Variants in SLC35F3 observed in about 807,000 individuals in gnomAD.
The protein encoded by SLC35F3 is solute carrier family 35 member F3, also known as putative thiamine transporter SLC35F3.
Under a neutral mutation model 49.9 loss-of-function variants are expected in SLC35F3, and 25 were observed. That is an observed-to-expected ratio of 0.50 (90% CI 0.37 to 0.70). The LOEUF is 0.70. Among genes scored for constraint, SLC35F3 ranks in the 30% least tolerant of loss-of-function variants. The probability of loss-of-function intolerance (pLI) is 0.00; values close to 1 mark genes in which losing one functional copy is unlikely to be tolerated. For synonymous variants in SLC35F3, 275 were observed against 265.4 expected (o/e 1.04, Z -0.35); for missense variants, 525 against 639.8 (o/e 0.82, Z 1.94).
At chr1:233,910,744 G>T (rs1459145076) in intron 2 of SLC35F3, among the ~76,000 whole-genome samples, 6 of 152,222 alleles carry the variant, frequency 3.9e-5, no homozygotes, top group African/African-American at 1.2e-4. Flanking sequence ...TGCTTAACAT[G>T]AAGTGCAATT....
At chr1:233,950,317 C>T (rs181566254) in intron 2 of SLC35F3, among the ~76,000 whole-genome samples, 210 of 128,134 alleles carry the variant, frequency 1.6e-3, no homozygotes, top group African/African-American at 5.9e-3. Context: ...ACCCATGAGG[C>T]GGAGCTTGCA....
chr1:234,084,020 G>A (rs1032148488), intron 2 of SLC35F3, among the ~76,000 whole-genome samples: 2 of 151,954 alleles, frequency 1.3e-5, no homozygotes, highest in Non-Finnish European at 2.9e-5. Context: ...TGTATTCTTA[G>A]TAGAGATGGG....
At chr1:234,182,155 G>A (rs1031843970) in intron 2 of SLC35F3, among the ~76,000 whole-genome samples, 4 of 152,022 alleles carry the variant, frequency 2.6e-5, no homozygotes, top group East Asian at 1.9e-4. Flanking sequence ...ATAAATTCAG[G>A]GATTCATGCA....
chr1:234,093,123 G>A (rs1665067624), intron 2 of SLC35F3, among the ~76,000 whole-genome samples: 1 of 152,194 alleles, frequency 6.6e-6, no homozygotes, highest in Non-Finnish European at 1.5e-5. Context: ...GAAAGTTATA[G>A]CATGAGCTAA....
At chr1:234,083,462 T>C (rs1477690077) in intron 2 of SLC35F3, among the ~76,000 whole-genome samples, 1 of 152,234 alleles carries the variant, frequency 6.6e-6, no homozygotes, top group Non-Finnish European at 1.5e-5. Context: ...TGTTGAGTTG[T>C]TCCATTCTAT....
chr1:234,079,442 A>C (rs1664842817), intron 2 of SLC35F3, among the ~76,000 whole-genome samples: 1 of 152,234 alleles, frequency 6.6e-6, no homozygotes, highest in African/African-American at 2.4e-5. Flanking sequence ...AAAAACAGAT[A>C]CTTTGGACTT....
At chr1:233,932,648 T>C (rs566683887) in intron 2 of SLC35F3, among the ~76,000 whole-genome samples, 65 of 152,266 alleles carry the variant, frequency 4.3e-4, no homozygotes, top group African/African-American at 1.5e-3. Flanking sequence ...AAAAATCTCT[T>C]AAAAAGGTGG....
chr1:234,182,837 A>C (rs1666583578), intron 2 of SLC35F3, among the ~76,000 whole-genome samples: 1 of 152,172 alleles, frequency 6.6e-6, no homozygotes. Flanking sequence ...GCATATAGTG[A>C]AGTGCTATTT....
intron 2 of SLC35F3, among the ~76,000 whole-genome samples, chr1:234,002,788 T>C (rs1472724946): frequency 6.6e-6 from 1 of 152,170 alleles, no homozygotes; most frequent in Non-Finnish European, 1.5e-5. Flanking sequence ...ATCATTTGGA[T>C]TTCTTCTACA....
intron 3 of SLC35F3, among the ~76,000 whole-genome samples, chr1:234,287,061 C>T (rs966790328): frequency 1.3e-5 from 2 of 151,982 alleles, no homozygotes; most frequent in Admixed American, 6.6e-5. Context: ...TAGCTTGGCA[C>T]GGTGGTGTGT....
intron 2 of SLC35F3, among the ~76,000 whole-genome samples, chr1:234,081,319 A>C (rs1664872426): frequency 6.6e-6 from 1 of 152,256 alleles, no homozygotes; most frequent in African/African-American, 2.4e-5. Flanking sequence ...TCATGAAAGC[A>C]TGTTTCATCT....
At chr1:234,141,216 A>G (rs1261930596) in intron 2 of SLC35F3, among the ~76,000 whole-genome samples, 2 of 152,118 alleles carry the variant, frequency 1.3e-5, no homozygotes, top group East Asian at 1.9e-4. Flanking sequence ...GAAAAAGTAA[A>G]ACTTGGGATA....
intron 2 of SLC35F3, among the ~76,000 whole-genome samples, chr1:234,128,108 C>T (rs1354689866): frequency 3.3e-5 from 5 of 152,110 alleles, no homozygotes; most frequent in Non-Finnish European, 7.3e-5. Flanking sequence ...TGCCGACAAA[C>T]AGGCATTAAG....
chr1:234,089,093 A>G (rs1455042633), intron 2 of SLC35F3, among the ~76,000 whole-genome samples: 1 of 152,158 alleles, frequency 6.6e-6, no homozygotes, highest in African/African-American at 2.4e-5. Context: ...ATGCACAAAG[A>G]AAACTGGTGT....
At chr1:234,313,570 CTT>C (rs1657411700) in intron 4 of SLC35F3, among the ~76,000 whole-genome samples, 1 of 152,132 alleles carries the variant, frequency 6.6e-6, no homozygotes, top group Admixed American at 6.5e-5. Context: ...ACCCATCAGT[CTT>C]TGTTTCAGGA....
chr1:234,301,789 C>T (rs2102990543), intron 3 of SLC35F3, among the ~76,000 whole-genome samples: 1 of 152,260 alleles, frequency 6.6e-6, no homozygotes, highest in Admixed American at 6.5e-5. Flanking sequence ...GGAACCAACC[C>T]AAATGCCCAT....
At chr1:234,289,939 A>G (rs937119612) in intron 3 of SLC35F3, among the ~76,000 whole-genome samples, 1 of 152,250 alleles carries the variant, frequency 6.6e-6, no homozygotes, top group Non-Finnish European at 1.5e-5. Flanking sequence ...ACAAACCAAA[A>G]GAGCTTTATT....
At chr1:233,939,136 A>G (rs12119951) in intron 2 of SLC35F3, among the ~76,000 whole-genome samples, 16,869 of 152,208 alleles carry the variant, frequency 0.11, 1,143 homozygotes, top group Non-Finnish European at 0.16. Flanking sequence ...TTCTTGTCTA[A>G]TTGACATAGA....
chr1:234,104,910 C>A (rs1665261700), intron 2 of SLC35F3, among the ~76,000 whole-genome samples: 1 of 152,094 alleles, frequency 6.6e-6, no homozygotes, highest in South Asian at 2.1e-4. Flanking sequence ...GCAGGCGGAT[C>A]ACGGGGTCAG....
Sources: allele counts gnomAD v4.1 joint callset (sites outside exome capture counted in the v4.1 genomes callset), GRCh38; gene constraint gnomAD v4.1.1; transcripts MANE v1.5; gene names NCBI Gene and HGNC (gene_info 2026-07-23, HGNC 2026-07-21).